Variants in TMEM163 observed in about 807,000 individuals in gnomAD.
TMEM163 encodes transmembrane protein 163.
A neutral mutation model predicts 29.3 loss-of-function variants in TMEM163; 17 were observed. That is an observed-to-expected ratio of 0.58 (90% CI 0.40 to 0.87). The LOEUF is 0.87. TMEM163 is among the 40% of genes least tolerant of loss of function. The pLI is 0.00. For missense variants in TMEM163, 303 were observed against 381.5 expected (o/e 0.79, Z 1.71); for synonymous variants, 157 against 160.6 (o/e 0.98, Z 0.17).
intron 1 of TMEM163, among the ~76,000 whole-genome samples, chr2:134,717,947 G>A (rs1685069930): frequency 6.6e-6 from 1 of 152,238 alleles, no homozygotes; most frequent in African/African-American, 2.4e-5. Context: ...GCAGTCGGTG[G>A]GAGGCAGAGT....
At chr2:134,495,602 G>A (rs1679532860) in intron 5 of TMEM163, among the ~76,000 whole-genome samples, 1 of 152,156 alleles carries the variant, frequency 6.6e-6, no homozygotes. Context: ...CTTGGCTGGG[G>A]GCTTCCAAAT....
intron 5 of TMEM163, among the ~76,000 whole-genome samples, chr2:134,492,393 T>G (rs964188390): frequency 4.6e-5 from 7 of 152,212 alleles, no homozygotes; most frequent in African/African-American, 1.7e-4. Context: ...AGCATTAACA[T>G]ATCTTAATTA....
intron 4 of TMEM163, among the ~76,000 whole-genome samples, chr2:134,514,560 C>G (rs912202321): frequency 1.3e-5 from 2 of 152,102 alleles, no homozygotes; most frequent in Non-Finnish European, 2.9e-5. Context: ...ATGCAGTTCA[C>G]GCACAGAGCC....
At chr2:134,571,339 C>G (rs1055856166) in intron 2 of TMEM163, among the ~76,000 whole-genome samples, 2 of 152,142 alleles carry the variant, frequency 1.3e-5, no homozygotes, top group Admixed American at 6.5e-5. Flanking sequence ...TAATGGCCAA[C>G]AAGGCTATGG....
intron 4 of TMEM163, among the ~76,000 whole-genome samples, chr2:134,516,828 G>A (rs538776801): frequency 1.6e-4 from 15 of 93,626 alleles, no homozygotes; most frequent in Non-Finnish European, 2.7e-4. Context: ...CAGGTGAGTG[G>A]AGAAGAGGCC....
chr2:134,661,402 G>T (rs962270803), intron 2 of TMEM163, among the ~76,000 whole-genome samples: 1 of 152,154 alleles, frequency 6.6e-6, no homozygotes, highest in Non-Finnish European at 1.5e-5. Context: ...TTTTCACCAG[G>T]TATTTATTTG....
chr2:134,691,776 T>A (rs1481608079), intron 2 of TMEM163, among the ~76,000 whole-genome samples: 1 of 152,166 alleles, frequency 6.6e-6, no homozygotes, highest in Non-Finnish European at 1.5e-5. Context: ...CAATGAACAG[T>A]CTCCTCAGCC....
rs528459527 is a variant in TMEM163, at chr2:134,609,810, G to A, written c.323-57719C>T. On this transcript the variant is annotated intron_variant, in intron 2 of 7. Transcript: ENST00000281924. Reference sequence around the variant, plus strand: ...GAGGACAGACCCCGAGAACTGTACTGGTGAAAAGGAGGACAGATCCCGAGA... The same window carrying A: ...GAGGACAGACCCCGAGAACTGTACTAGTGAAAAGGAGGACAGATCCCGAGA... Among the ~76,000 whole-genome samples the A allele has an allele frequency of 5.5e-3, 677 of 123,656 alleles. 19 individuals are homozygous for A. The highest frequency in any genetic ancestry group is 0.015 in the South Asian group (42 of 2,844). 81.1% of individuals were successfully genotyped at this position (123,656 alleles called of 152,430 possible). A position where few individuals can be genotyped will look rare whatever the true frequency, so the allele number is the denominator to read the frequency against.
At chr2:134,681,195 T>G (rs184219893) in intron 2 of TMEM163, among the ~76,000 whole-genome samples, 20 of 152,306 alleles carry the variant, frequency 1.3e-4, no homozygotes, top group African/African-American at 4.6e-4. Flanking sequence ...CACCCAGCAG[T>G]GCACCCCACT....
chr2:134,522,707 G>C (rs1574203902), intron 4 of TMEM163, among the ~76,000 whole-genome samples: 1 of 152,230 alleles, frequency 6.6e-6, no homozygotes, highest in Non-Finnish European at 1.5e-5. Context: ...ACAGTAAAGA[G>C]AAAAGTCATT....
intron 2 of TMEM163, among the ~76,000 whole-genome samples, chr2:134,656,512 G>A (rs910210320): frequency 3.3e-5 from 5 of 152,192 alleles, no homozygotes; most frequent in Non-Finnish European, 5.9e-5. Context: ...CGTCTTCTGC[G>A]TCGCTCACGC....
chr2:134,470,943 G>A (rs547061472), intron 5 of TMEM163, among the ~76,000 whole-genome samples: 7 of 152,312 alleles, frequency 4.6e-5, no homozygotes, highest in East Asian at 3.9e-4. Flanking sequence ...AGGCCGAGGC[G>A]GGAAGAACAC....
At chr2:134,523,063 A>C (rs1288663194) in intron 4 of TMEM163, among the ~76,000 whole-genome samples, 1 of 152,242 alleles carries the variant, frequency 6.6e-6, no homozygotes, top group Non-Finnish European at 1.5e-5. Context: ...CATTAATGCC[A>C]GAGGTGGTTC....
chr2:134,547,446 T>G (rs1680817427), intron 4 of TMEM163, among the ~76,000 whole-genome samples: 1 of 152,140 alleles, frequency 6.6e-6, no homozygotes, highest in Non-Finnish European at 1.5e-5. Context: ...TTCAAAAAAA[T>G]AAAGGGAATT....
At chr2:134,578,279 G>T (rs114225944) in intron 2 of TMEM163, among the ~76,000 whole-genome samples, 1 of 152,144 alleles carries the variant, frequency 6.6e-6, no homozygotes, top group Non-Finnish European at 1.5e-5. Flanking sequence ...ACTATTTCCT[G>T]TTCTGGATGT....
rs1227909188 is a variant in TMEM163 at position 134,653,884 on chromosome 2, T to C, written c.322+59316A>G. 1.6e-5 allele frequency among the ~76,000 whole-genome samples: 2 copies of C among 127,164 alleles called. 1 individual carries two copies. Among genetic ancestry groups the C allele is most frequent in the African/African-American group, 7.3e-5 (2 of 27,212 alleles). The allele number at this position is 127,164 out of a possible 152,430, so 83.4% of individuals were successfully genotyped here. ...GAGTGAGATTCTTAATCCTGAGTTC[T>C]AGTTTGATTGCACTGTGGTCTGAGA... On this transcript the variant is annotated intron_variant, in intron 2 of 7. Transcript: ENST00000281924.
chr2:134,718,869 C>A lies in TMEM163; in HGVS notation c.67G>T (p.Gly23Cys). The A allele has an allele frequency of 9.0e-7, 1 of 1,106,286 alleles. No homozygotes were observed. Among genetic ancestry groups the A allele is most frequent in the Non-Finnish European group, 1.1e-6 (1 of 908,768 alleles). 68.5% of individuals were successfully genotyped at this position (1,106,286 alleles called of 1,614,324 possible). A position where few individuals can be genotyped will look rare whatever the true frequency, so the allele number is the denominator to read the frequency against. ...QGPTVPPPPR[G>C]HAPPAAAPGP... ...GGGGCGGCAGCCGGTGGCGCGTGGC[C>A]CCGGGGCGGCGGCGGGACGGTGGGC... is the stretch of plus-strand genomic sequence containing the variant. The change falls in exon 1 of 8, where the codon GGC (glycine) becomes TGC (cysteine). Residue 23 changes from glycine to cysteine, a missense_variant. Transcript: ENST00000281924.
chr2:134,548,727 G>T (rs1253801478), intron 4 of TMEM163, among the ~76,000 whole-genome samples: 1 of 152,082 alleles, frequency 6.6e-6, no homozygotes, highest in African/African-American at 2.4e-5. Context: ...GAGATATATT[G>T]GGGATGGAAC....
chr2:134,647,853 A>G (rs1260438825), intron 2 of TMEM163, among the ~76,000 whole-genome samples: 3 of 152,152 alleles, frequency 2.0e-5, no homozygotes, highest in African/African-American at 7.2e-5. Context: ...AGCCAGGGCA[A>G]GCGCTTTTGG....
Sources: gnomAD v4.1 joint callset for allele counts (sites outside exome capture counted in the v4.1 genomes callset) on GRCh38, gnomAD v4.1.1 for gene constraint, MANE v1.5 for transcripts, NCBI Gene and HGNC (gene_info 2026-07-23, HGNC 2026-07-21) for gene names.